The following WDHD1 variants were observed in gnomAD, a reference collection of about 807,000 sequenced individuals.
The protein encoded by WDHD1 is WD repeat and HMG-box DNA binding protein 1.
A neutral mutation model predicts 135.4 loss-of-function variants in WDHD1; 111 were observed. The observed-to-expected ratio is 0.82, with a 90% CI of 0.70 to 0.96. The LOEUF is 0.96. Ranked by LOEUF, WDHD1 falls within the 40% of genes least tolerant of loss-of-function variation. WDHD1 has a pLI of 0.00. For synonymous variants in WDHD1, 434 were observed against 439.0 expected (o/e 0.99, Z 0.14); for missense variants, 1,351 against 1,336.3 (o/e 1.01, Z -0.17).
At chr14:54,983,058 G>A (rs1488568061) in intron 15 of WDHD1, among the ~76,000 whole-genome samples, 1 of 152,086 alleles carries the variant, frequency 6.6e-6, no homozygotes, top group Non-Finnish European at 1.5e-5. Flanking sequence ...CAGATACTCG[G>A]GAGGCTGAGG....
intron 19 of WDHD1, 36 bp from the exon 20 acceptor site, chr14:54,962,889 G>A (rs751658380): frequency 1.2e-6 from 2 of 1,610,984 alleles, no homozygotes; most frequent in South Asian, 2.2e-5. Context: ...AAAGAGCTAT[G>A]CAAAGACCAA....
intron 10 of WDHD1, among the ~76,000 whole-genome samples, chr14:55,000,016 T>G (rs17128119): frequency 0.034 from 5,167 of 152,286 alleles, 283 homozygotes; most frequent in African/African-American, 0.12. Context: ...TATAAATGCA[T>G]GTATTAAGTC....
chr14:55,005,574 A>G, intron 7 of WDHD1: 3 of 602,230 alleles, frequency 5.0e-6, no homozygotes, highest in African/African-American at 1.8e-5. Context: ...TTCCTTTTAT[A>G]GATGTACTGT....
chr14:54,981,228 TTTA>T (rs1167270883), intron 16 of WDHD1, among the ~76,000 whole-genome samples: 2 of 152,244 alleles, frequency 1.3e-5, no homozygotes, highest in Non-Finnish European at 2.9e-5. Flanking sequence ...AACTTTTATA[TTTA>T]TTGTTATTTT....
intron 24 of WDHD1, among the ~76,000 whole-genome samples, chr14:54,950,316 A>G (rs2041022643): frequency 1.3e-5 from 2 of 152,316 alleles, no homozygotes; most frequent in South Asian, 4.1e-4. Context: ...AAGCAAATGG[A>G]AAACAACAAA....
At chr14:55,000,390 A>C in intron 10 of WDHD1, 113 bp downstream of exon 10, 2 of 1,125,248 alleles carry the variant, frequency 1.8e-6, no homozygotes, top group Non-Finnish European at 1.2e-6. Context: ...AGCATCTACT[A>C]TAGTAACATG....
At chr14:55,021,625 A>T (rs1280669763) in intron 2 of WDHD1, among the ~76,000 whole-genome samples, 1 of 152,100 alleles carries the variant, frequency 6.6e-6, no homozygotes, top group Non-Finnish European at 1.5e-5. Context: ...ACCTCAAGTG[A>T]TCCATCTGCC....
Position 54,995,644 on chromosome 14 carries a change from C to G in WDHD1, c.1112G>C (p.Arg371Thr). ...ATCTTCTAGGATGTGACTTCGCTGTCTAGGACGACCTGAAGCCATCATGAG... is the reference window on the plus strand; with the variant it reads ...ATCTTCTAGGATGTGACTTCGCTGTGTAGGACGACCTGAAGCCATCATGAG... ...EDLMMASGRP[R>T]QRSHILEDDE... Residue 371 changes from arginine (R) to threonine (T), a missense_variant, in exon 11 of 26, where the codon AGA becomes ACA. Physicochemically the swap from Arg to Thr is moderately conservative, Grantham distance 71. Transcript: ENST00000360586. 1 of 1,612,474 alleles carries G rather than the reference C, an allele frequency of 6.2e-7. No homozygotes were observed. Among genetic ancestry groups the G allele is most frequent in the Non-Finnish European group, 8.5e-7 (1 of 1,179,356 alleles).
intron 16 of WDHD1, among the ~76,000 whole-genome samples, chr14:54,970,607 C>T (rs376333184): frequency 7.1e-6 from 1 of 140,936 alleles, no homozygotes; most frequent in Non-Finnish European, 1.5e-5. Context: ...TGGTTTGCAT[C>T]GAAGTCACAG....
chr14:54,973,566 T>A (rs1384480644), intron 16 of WDHD1, among the ~76,000 whole-genome samples: 1 of 152,230 alleles, frequency 6.6e-6, no homozygotes, highest in Non-Finnish European at 1.5e-5. Flanking sequence ...GCAGTGTGAA[T>A]ACCTCAAGTT....
At chr14:55,009,405 CT>C (rs2042127474) in intron 4 of WDHD1, among the ~76,000 whole-genome samples, 1 of 152,008 alleles carries the variant, frequency 6.6e-6, no homozygotes. Context: ...AATATTCTGA[CT>C]GTACAGCCCA....
intron 24 of WDHD1, among the ~76,000 whole-genome samples, chr14:54,947,315 G>A (rs141225640): frequency 9.9e-4 from 151 of 152,134 alleles, no homozygotes; most frequent in African/African-American, 3.5e-3. Flanking sequence ...TGCAGTCTGG[G>A]CAACAAGAGC....
intron 22 of WDHD1, 24 bp from the exon 23 acceptor site, chr14:54,957,228 A>T: frequency 6.3e-7 from 1 of 1,577,022 alleles, no homozygotes; most frequent in Non-Finnish European, 8.6e-7. Context: ...TAGTGTTAGC[A>T]CTGTATGTTT....
At chr14:54,944,543 T>C in intron 24 of WDHD1, 73 bp from the exon 25 acceptor site, 2 of 1,394,350 alleles carry the variant, frequency 1.4e-6, no homozygotes, top group South Asian at 1.5e-5. Flanking sequence ...TTTAAGTTAG[T>C]AATCAACCAT....
rs2040884775 is a variant in WDHD1, at chr14:54,944,328, T to C, written c.3189+4A>G. The C allele has an allele frequency of 6.2e-7, 1 of 1,600,752 alleles. No individual in the cohort carries two copies. Among genetic ancestry groups the C allele is most frequent in the Non-Finnish European group, 8.5e-7 (1 of 1,177,116 alleles). ...GATCTCAATCTCGGCACAATTATCC[T>C]TACCTTTCTTTCTTCAGTTGACAAT... On this transcript the variant is annotated splice_donor_region_variant and intron_variant, in intron 25 of 25. Transcript: ENST00000360586.
At chr14:54,952,797 A>G (rs1271698716) in intron 24 of WDHD1, among the ~76,000 whole-genome samples, 4 of 152,232 alleles carry the variant, frequency 2.6e-5, no homozygotes, top group Non-Finnish European at 5.9e-5. Flanking sequence ...ATGGAACAGA[A>G]CAGAGCCCTC....
At chr14:54,981,805 A>G in intron 15 of WDHD1, 109 bp from the exon 16 acceptor site, 1 of 583,990 alleles carries the variant, frequency 1.7e-6, no homozygotes, top group Non-Finnish European at 2.9e-6. Context: ...TTCAAAAGCA[A>G]AACACAAAAC....
intron 10 of WDHD1, among the ~76,000 whole-genome samples, chr14:54,996,679 A>G (rs1566733733): frequency 6.6e-6 from 1 of 152,226 alleles, no homozygotes; most frequent in Non-Finnish European, 1.5e-5. Context: ...TTACTCCTAT[A>G]GGATGCATAA....
At chr14:54,962,633 G>T (rs1189467504) in intron 20 of WDHD1, 82 bp from the exon 21 acceptor site, 4 of 1,523,312 alleles carry the variant, frequency 2.6e-6, no homozygotes, top group African/African-American at 2.8e-5. Context: ...TAGCAAAGAG[G>T]TCTGAAAAAA....
Sources: allele counts gnomAD v4.1 joint callset (sites outside exome capture counted in the v4.1 genomes callset), GRCh38; gene constraint gnomAD v4.1.1; transcripts MANE v1.5; gene names NCBI Gene and HGNC (gene_info 2026-07-23, HGNC 2026-07-21).